The following KIF16B variants were observed in gnomAD, a reference collection of about 807,000 sequenced individuals.
KIF16B encodes kinesin-like protein KIF16B.
KIF16B carries 98 observed loss-of-function variants against 156.3 expected under a neutral mutation model. The observed-to-expected ratio is 0.63, with a 90% CI of 0.53 to 0.74. The LOEUF (loss-of-function observed/expected upper bound fraction) is 0.74, where lower values mean the gene tolerates loss of function less well. Ranked by LOEUF, KIF16B falls within the 30% of genes least tolerant of loss-of-function variation. The pLI is 0.00. For synonymous variants in KIF16B, 564 were observed against 583.7 expected (o/e 0.97, Z 0.49); for missense variants, 1,421 against 1,606.5 (o/e 0.88, Z 1.97).
At chr20:16,313,127 C>T (rs2063646051) in intron 24 of KIF16B, among the ~76,000 whole-genome samples, 1 of 152,236 alleles carries the variant, frequency 6.6e-6, no homozygotes, top group Admixed American at 6.5e-5. Context: ...ATTCTATAAT[C>T]TGATGAGAAT....
chr20:16,492,455 C>T (rs1468862652), intron 12 of KIF16B, among the ~76,000 whole-genome samples: 1 of 152,214 alleles, frequency 6.6e-6, no homozygotes, highest in Non-Finnish European at 1.5e-5. Flanking sequence ...TAGCATTCTC[C>T]TTTCTCATAA....
At chr20:16,418,822 A>T (rs1365729838) in intron 15 of KIF16B, among the ~76,000 whole-genome samples, 1 of 152,160 alleles carries the variant, frequency 6.6e-6, no homozygotes, top group African/African-American at 2.4e-5. Flanking sequence ...ATGCACATTC[A>T]GCCACCCAGC....
At chr20:16,572,104 C>CA (rs1384591018) in intron 1 of KIF16B, among the ~76,000 whole-genome samples, 1 of 152,150 alleles carries the variant, frequency 6.6e-6, no homozygotes, top group East Asian at 1.9e-4. Context: ...GCAAAAAAGT[C>CA]AAACTCTTAC....
intron 12 of KIF16B, among the ~76,000 whole-genome samples, chr20:16,479,821 T>C (rs1388631945): frequency 1.3e-5 from 2 of 152,234 alleles, no homozygotes; most frequent in Non-Finnish European, 2.9e-5. Flanking sequence ...TAAGTCACTC[T>C]ATGATGTTTG....
At chr20:16,531,541 C>T (rs2069749158) in intron 1 of KIF16B, among the ~76,000 whole-genome samples, 1 of 152,142 alleles carries the variant, frequency 6.6e-6, no homozygotes, top group South Asian at 2.1e-4. Flanking sequence ...CCTGTCCTTC[C>T]CTCCCAGGGA....
chr20:16,551,902 C>T (rs2070682764), intron 1 of KIF16B, among the ~76,000 whole-genome samples: 1 of 152,190 alleles, frequency 6.6e-6, no homozygotes, highest in South Asian at 2.1e-4. Context: ...GGGACAGTTA[C>T]ACCTCTAATT....
At chr20:16,287,895 G>A (rs2122434061) in intron 25 of KIF16B, among the ~76,000 whole-genome samples, 1 of 152,322 alleles carries the variant, frequency 6.6e-6, no homozygotes, top group African/African-American at 2.4e-5. Context: ...GGACATGTAA[G>A]GAAGGAGGCA....
At chr20:16,357,055 T>C (rs1176042265) in intron 22 of KIF16B, among the ~76,000 whole-genome samples, 1 of 152,138 alleles carries the variant, frequency 6.6e-6, no homozygotes, top group East Asian at 1.9e-4. Flanking sequence ...GGGGGACTAG[T>C]GGGGTCTGAG....
intron 24 of KIF16B, among the ~76,000 whole-genome samples, chr20:16,328,973 A>G (rs2063902733): frequency 6.6e-6 from 1 of 152,182 alleles, no homozygotes; most frequent in Non-Finnish European, 1.5e-5. Context: ...AGCAGTGCTC[A>G]TTAGGCTCTA....
At chr20:16,327,975 G>A (rs1046328771) in intron 24 of KIF16B, among the ~76,000 whole-genome samples, 1 of 152,128 alleles carries the variant, frequency 6.6e-6, no homozygotes, top group Non-Finnish European at 1.5e-5. Flanking sequence ...TAATAAAACT[G>A]TTATAATGCA....
chr20:16,391,979 C>G (rs1196122088), intron 17 of KIF16B, among the ~76,000 whole-genome samples: 1 of 152,194 alleles, frequency 6.6e-6, no homozygotes, highest in African/African-American at 2.4e-5. Flanking sequence ...CAAGGAGTTA[C>G]AGACCACCTG....
At chr20:16,521,462 A>G (rs1307904375) in intron 3 of KIF16B, among the ~76,000 whole-genome samples, 1 of 151,986 alleles carries the variant, frequency 6.6e-6, no homozygotes, top group Non-Finnish European at 1.5e-5. Flanking sequence ...TGAAGACAAG[A>G]TTGGAGAAAA....
At chr20:16,465,006 T>C (rs186779853) in intron 12 of KIF16B, among the ~76,000 whole-genome samples, 5 of 152,308 alleles carry the variant, frequency 3.3e-5, no homozygotes, top group Admixed American at 2.6e-4. Flanking sequence ...AGAATGACCT[T>C]TGATAAATCT....
chr20:16,472,294 T>A (rs1196040819), intron 12 of KIF16B, among the ~76,000 whole-genome samples: 1 of 152,184 alleles, frequency 6.6e-6, no homozygotes, highest in Non-Finnish European at 1.5e-5. Flanking sequence ...ATCCCTCTTG[T>A]AGGCACAGTG....
At chr20:16,405,386 T>C (rs1568942225) in intron 16 of KIF16B, among the ~76,000 whole-genome samples, 1 of 152,154 alleles carries the variant, frequency 6.6e-6, no homozygotes, top group Non-Finnish European at 1.5e-5. Context: ...TCTGTTCCTC[T>C]GAAACTGTGT....
At chr20:16,415,224 C>T (rs2066058011) in intron 15 of KIF16B, among the ~76,000 whole-genome samples, 1 of 152,144 alleles carries the variant, frequency 6.6e-6, no homozygotes, top group Non-Finnish European at 1.5e-5. Flanking sequence ...AAGCATTACA[C>T]AATTGGTCAA....
At chr20:16,278,442 C>G (rs993509558) in intron 25 of KIF16B, among the ~76,000 whole-genome samples, 1 of 152,160 alleles carries the variant, frequency 6.6e-6, no homozygotes, top group African/African-American at 2.4e-5. Flanking sequence ...GTTTTCTTAT[C>G]AATACTTTCA....
chr20:16,452,941 A>T (rs2067123059), intron 12 of KIF16B, among the ~76,000 whole-genome samples: 1 of 152,178 alleles, frequency 6.6e-6, no homozygotes, highest in Admixed American at 6.5e-5. Context: ...GTAAGTAAAG[A>T]TCAATCTGTA....
Position 16,312,303 on chromosome 20 carries a change from T to C in KIF16B, c.3795+32A>G, listed in dbSNP as rs750070200. The C allele has an allele frequency of 5.3e-6, 8 of 1,496,342 alleles. No individual in the cohort carries two copies. In the East Asian group the frequency reaches 6.8e-5, roughly 13 times the overall value. The allele number at this position is 1,496,342 out of a possible 1,614,324, so 92.7% of individuals were successfully genotyped here. On this transcript the variant is annotated intron_variant, in intron 25 of 25. Coordinates refer to ENST00000354981, the MANE Select transcript of KIF16B (RefSeq NM_024704.5). ...CCGGTCAGATGGTACATTTTCTACA[T>C]ACACAGAGGAAAAACAGCTTAATTC...
Sources: gnomAD v4.1 joint callset for allele counts (sites outside exome capture counted in the v4.1 genomes callset) on GRCh38, gnomAD v4.1.1 for gene constraint, MANE v1.5 for transcripts, NCBI Gene and HGNC (gene_info 2026-07-23, HGNC 2026-07-21) for gene names.